Variants in TRDN observed in about 807,000 individuals in gnomAD.
TRDN encodes triadin in skeletal muscle.
A neutral mutation model predicts 149.7 loss-of-function variants in TRDN; 161 were observed. The ratio of observed to expected loss-of-function variants is 1.08; its 90% CI spans 0.95 to 1.23. The LOEUF is 1.23. Among genes scored for constraint, TRDN ranks in the 50% most tolerant of loss-of-function variants. The pLI is 0.00. For synonymous variants in TRDN, 294 were observed against 250.5 expected (o/e 1.17, Z -1.64); for missense variants, 896 against 823.5 (o/e 1.09, Z -1.08).
intron 1 of TRDN, among the ~76,000 whole-genome samples, chr6:123,631,023 ACT>A (rs1398277532): frequency 1.3e-5 from 2 of 150,876 alleles, no homozygotes; most frequent in Non-Finnish European, 3.0e-5. Flanking sequence ...ACTCTATCAC[ACT>A]CTCTTTTCTT....
intron 1 of TRDN, among the ~76,000 whole-genome samples, chr6:123,625,992 G>A (rs1015270807): frequency 6.6e-6 from 1 of 152,148 alleles, no homozygotes; most frequent in Non-Finnish European, 1.5e-5. Context: ...GACATTCACT[G>A]TTTGATAGGA....
At chr6:123,403,139 A>G (rs1773050116) in intron 12 of TRDN, among the ~76,000 whole-genome samples, 1 of 152,228 alleles carries the variant, frequency 6.6e-6, no homozygotes, top group Non-Finnish European at 1.5e-5. Context: ...CAAGAAATAT[A>G]TTAGTTAATA....
intron 38 of TRDN, among the ~76,000 whole-genome samples, chr6:123,227,220 A>G (rs931461589): frequency 6.6e-6 from 1 of 151,920 alleles, no homozygotes; most frequent in Admixed American, 6.6e-5. Flanking sequence ...TTCTAATAGC[A>G]CAGAAATAGT....
chr6:123,556,637 CTCTTCT>C (rs367824454), intron 2 of TRDN, among the ~76,000 whole-genome samples: 6 of 150,354 alleles, frequency 4.0e-5, no homozygotes, highest in African/African-American at 1.2e-4. Flanking sequence ...ATTCCTCTTC[CTCTTCT>C]TCTTCTTCCT....
chr6:123,255,978 T>C (rs1582783620), intron 35 of TRDN, 76 bp from the exon 36 acceptor site: 8 of 872,790 alleles, frequency 9.2e-6, no homozygotes, highest in Non-Finnish European at 1.2e-5. Flanking sequence ...CTGGGATACA[T>C]GTGCAGAACA....
chr6:123,284,182 C>T (rs545364775), intron 24 of TRDN, among the ~76,000 whole-genome samples: 106 of 148,314 alleles, frequency 7.1e-4, no homozygotes, highest in Non-Finnish European at 9.6e-4. Flanking sequence ...CAGCATTACC[C>T]TAATACAAAC....
chr6:123,233,422 C>T (rs1326807849), intron 38 of TRDN, among the ~76,000 whole-genome samples: 1 of 152,020 alleles, frequency 6.6e-6, no homozygotes, highest in African/African-American at 2.4e-5. Context: ...GTAGGCAGCA[C>T]ACAGTGAAGC....
intron 9 of TRDN, among the ~76,000 whole-genome samples, chr6:123,494,794 C>T (rs532015518): frequency 3.3e-5 from 5 of 151,972 alleles, no homozygotes; most frequent in South Asian, 2.1e-4. Flanking sequence ...AGTACAGTGG[C>T]GAGATCTCGG....
chr6:123,253,748 AGAGT>A (rs1270705088), intron 37 of TRDN, among the ~76,000 whole-genome samples: 2 of 152,142 alleles, frequency 1.3e-5, no homozygotes, highest in South Asian at 2.1e-4. Flanking sequence ...TTCACAGAAC[AGAGT>A]GAGAAGTCTG....
At position 123,370,175 on chromosome 6, in the gene TRDN, CT is replaced by C. The variant is rs1242161451; in HGVS notation, c.1274-3994del. Among the ~76,000 whole-genome samples, 6 of 152,230 alleles carry C rather than the reference CT, an allele frequency of 3.9e-5. No homozygotes were observed. The East Asian group carries it at 1.2e-3, about 29-fold the overall frequency. On this transcript the variant is annotated intron_variant, in intron 19 of 40. Transcript: ENST00000334268. ...TAGAATATCGCCAAGGCCTTTGAAACTTCTTACTTTTCCTACTAGCACTGCA... is the reference window on the plus strand; with the variant it reads ...TAGAATATCGCCAAGGCCTTTGAAACTCTTACTTTTCCTACTAGCACTGCA...
intron 1 of TRDN, among the ~76,000 whole-genome samples, chr6:123,580,240 C>T (rs1470169496): frequency 6.6e-6 from 1 of 152,096 alleles, no homozygotes; most frequent in East Asian, 1.9e-4. Context: ...TTAGCAGGTC[C>T]TCACCATTCA....
chr6:123,274,618 A>T, intron 27 of TRDN, 23 bp downstream of exon 27: 1 of 1,597,618 alleles, frequency 6.3e-7, no homozygotes, highest in Non-Finnish European at 8.6e-7. Flanking sequence ...CTCTGAATCT[A>T]TATAAAATAA....
At chr6:123,485,462 A>G (rs1777931816) in intron 9 of TRDN, among the ~76,000 whole-genome samples, 1 of 152,148 alleles carries the variant, frequency 6.6e-6, no homozygotes, top group Non-Finnish European at 1.5e-5. Flanking sequence ...CAAACATATC[A>G]GGTTTCTGGC....
chr6:123,491,407 C>A (rs1351210813), intron 9 of TRDN, among the ~76,000 whole-genome samples: 8 of 152,038 alleles, frequency 5.3e-5, no homozygotes, highest in African/African-American at 4.8e-5. Context: ...AGATATTTCC[C>A]ATTTGAAGTA....
At chr6:123,548,154 T>C (rs1029531638) in intron 3 of TRDN, among the ~76,000 whole-genome samples, 2 of 151,918 alleles carry the variant, frequency 1.3e-5, no homozygotes, top group African/African-American at 4.8e-5. Flanking sequence ...TAAATGTGAG[T>C]TTGTATTGTG....
Position 123,377,869 on chromosome 6 carries a change from G to A in TRDN, c.1216C>T (p.Pro406Ser). The change falls in exon 17 of 41, where the codon CCA becomes TCA. Residue 406 changes from proline (P) to serine (S), a missense_variant. By Grantham distance (74) the Pro-to-Ser change is moderately conservative. Coordinates refer to ENST00000334268, the MANE Select transcript of TRDN (RefSeq NM_006073.4). ...KQEKKEKHVEPAKSPKKEHSV... is the reference protein window; with the variant it reads ...KQEKKEKHVESAKSPKKEHSV... ...AGAGGAATTTAAAAACAGTTACCTG[G>A]TTCCACATGTTTTTCTTTCTTTTCC... 6.4e-7 allele frequency: 1 copy of A among 1,553,616 alleles called. No homozygotes were observed. The highest frequency in any genetic ancestry group is 8.8e-7 in the Non-Finnish European group (1 of 1,138,894).
intron 21 of TRDN, chr6:123,350,369 A>G (rs1315032700): frequency 1.9e-5 from 17 of 910,602 alleles, no homozygotes; most frequent in Non-Finnish European, 2.2e-5. Context: ...AAACTCTATT[A>G]AGAGTAACAA....
At chr6:123,516,810 T>G (rs1372265631) in intron 5 of TRDN, among the ~76,000 whole-genome samples, 3 of 152,130 alleles carry the variant, frequency 2.0e-5, no homozygotes, top group Non-Finnish European at 1.5e-5. Context: ...CATACCTTAG[T>G]CATAATTCTT....
chr6:123,295,409 T>C (rs1169136195), intron 24 of TRDN, among the ~76,000 whole-genome samples: 3 of 152,338 alleles, frequency 2.0e-5, no homozygotes, highest in Non-Finnish European at 4.4e-5. Flanking sequence ...GCTATTTTTA[T>C]GTACCTTTGG....
Sources: gnomAD v4.1 joint callset for allele counts (sites outside exome capture counted in the v4.1 genomes callset) on GRCh38, gnomAD v4.1.1 for gene constraint, MANE v1.5 for transcripts, NCBI Gene and HGNC (gene_info 2026-07-23, HGNC 2026-07-21) for gene names.